Variants in NAALADL2 observed in about 807,000 individuals in gnomAD.
NAALADL2 encodes inactive N-acetylated-alpha-linked acidic dipeptidase-like protein 2.
Under a neutral mutation model 87.2 loss-of-function variants are expected in NAALADL2, and 76 were observed. That is an observed-to-expected ratio of 0.87 (90% CI 0.72 to 1.05). The LOEUF is 1.05. Among genes scored for constraint, NAALADL2 ranks in the 50% least tolerant of loss-of-function variants. NAALADL2 has a pLI of 0.00. For synonymous variants in NAALADL2, 354 were observed against 331.0 expected (o/e 1.07, Z -0.75); for missense variants, 1,089 against 945.8 (o/e 1.15, Z -1.99).
At chr3:175,598,886 T>G (rs1200466182) in intron 10 of NAALADL2, among the ~76,000 whole-genome samples, 2 of 152,132 alleles carry the variant, frequency 1.3e-5, no homozygotes, top group Non-Finnish European at 2.9e-5. Context: ...GGACACTCGT[T>G]TAGTTGAGTT....
chr3:174,792,842 T>C (rs1717626497), intron 3 of NAALADL2, among the ~76,000 whole-genome samples: 1 of 152,216 alleles, frequency 6.6e-6, no homozygotes, highest in South Asian at 2.1e-4. Context: ...AGATGGAATA[T>C]TCATTTTGAG....
chr3:175,665,241 G>T (rs1454414880), intron 11 of NAALADL2, among the ~76,000 whole-genome samples: 1 of 152,172 alleles, frequency 6.6e-6, no homozygotes, highest in Non-Finnish European at 1.5e-5. Context: ...ACAGTTACAA[G>T]GCTGTATTTT....
At chr3:174,563,992 G>C (rs1007508195) in intron 2 of NAALADL2, among the ~76,000 whole-genome samples, 6 of 152,144 alleles carry the variant, frequency 3.9e-5, no homozygotes, top group African/African-American at 1.4e-4. Flanking sequence ...AGGGTGATCT[G>C]TCTAAAGCAC....
intron 1 of NAALADL2, among the ~76,000 whole-genome samples, chr3:174,975,612 T>G (rs1356884994): frequency 6.6e-6 from 1 of 152,156 alleles, no homozygotes; most frequent in Non-Finnish European, 1.5e-5. Context: ...AGTTATGCCT[T>G]TTATTAAATT....
intron 1 of NAALADL2, among the ~76,000 whole-genome samples, chr3:174,975,947 A>G (rs1340508001): frequency 1.3e-5 from 2 of 152,216 alleles, no homozygotes; most frequent in Non-Finnish European, 2.9e-5. Flanking sequence ...CTTCTGAGGG[A>G]TCAGGCTATA....
intron 4 of NAALADL2, among the ~76,000 whole-genome samples, chr3:175,270,899 T>C (rs1433327262): frequency 6.6e-6 from 1 of 152,194 alleles, no homozygotes; most frequent in Non-Finnish European, 1.5e-5. Flanking sequence ...GAATTGAAAA[T>C]GACAGGATTA....
chr3:174,944,168 C>T (rs1202967206), intron 1 of NAALADL2, among the ~76,000 whole-genome samples: 1 of 152,158 alleles, frequency 6.6e-6, no homozygotes, highest in Non-Finnish European at 1.5e-5. Flanking sequence ...GCTCCTCCCT[C>T]TAGGAGCTTC....
chr3:175,771,804 C>A (rs1040311891), intron 13 of NAALADL2, among the ~76,000 whole-genome samples: 6 of 152,116 alleles, frequency 3.9e-5, no homozygotes, highest in Admixed American at 1.3e-4. Context: ...ATACCCAAGA[C>A]TGGGTTATTT....
Position 175,336,714 on chromosome 3 carries a change from A to G in NAALADL2, c.1090+12389A>G, listed in dbSNP as rs1762015806. ...TATAATTGAATTTTTGGTATAGTCTAGAGTCTGGAAAATCAGTGTATCCCA... is the reference window on the plus strand; with the variant it reads ...TATAATTGAATTTTTGGTATAGTCTGGAGTCTGGAAAATCAGTGTATCCCA... On this transcript the variant is annotated intron_variant, in intron 5 of 13. Coordinates refer to ENST00000454872, the MANE Select transcript of NAALADL2 (RefSeq NM_207015.3). Among the ~76,000 whole-genome samples the G allele has an allele frequency of 2.6e-5, 4 of 152,312 alleles. No individual in the cohort carries two copies. In the South Asian group the frequency reaches 8.3e-4, roughly 32 times the overall value.
chr3:174,660,638 ACTTATT>A (rs1342227110), intron 2 of NAALADL2, among the ~76,000 whole-genome samples: 2 of 151,450 alleles, frequency 1.3e-5, no homozygotes, highest in African/African-American at 4.9e-5. Flanking sequence ...TAGTTATTGG[ACTTATT>A]CTTTATGCCT....
chr3:174,593,398 T>C (rs1169475932), intron 2 of NAALADL2, among the ~76,000 whole-genome samples: 1 of 152,142 alleles, frequency 6.6e-6, no homozygotes, highest in Non-Finnish European at 1.5e-5. Flanking sequence ...AAGGCACTGC[T>C]ATTCATATCT....
chr3:174,680,433 A>G (rs965273043), intron 2 of NAALADL2, among the ~76,000 whole-genome samples: 16 of 152,196 alleles, frequency 1.1e-4, no homozygotes, highest in South Asian at 2.1e-4. Context: ...TCTTGTCACA[A>G]TGAAGCTTAC....
At chr3:175,549,511 G>T (rs960164616) in intron 9 of NAALADL2, among the ~76,000 whole-genome samples, 4 of 151,810 alleles carry the variant, frequency 2.6e-5, no homozygotes, top group African/African-American at 9.7e-5. Flanking sequence ...CATCATAGTA[G>T]TGAACTCTTA....
chr3:175,719,221 CAAA>C (rs372495246), intron 11 of NAALADL2, among the ~76,000 whole-genome samples: 1 of 131,140 alleles, frequency 7.6e-6, no homozygotes, highest in Admixed American at 7.7e-5. Context: ...ATGGGGGTTA[CAAA>C]AAAAAAAAAG....
chr3:174,909,008 G>GAA (rs112001916), intron 1 of NAALADL2, among the ~76,000 whole-genome samples: 1 of 139,686 alleles, frequency 7.2e-6, no homozygotes, highest in Admixed American at 7.2e-5. Flanking sequence ...ATCATACTCA[G>GAA]AAAAAAAAAA....
intron 2 of NAALADL2, among the ~76,000 whole-genome samples, chr3:174,654,039 A>G (rs1363976711): frequency 6.7e-6 from 1 of 149,254 alleles, no homozygotes; most frequent in Non-Finnish European, 1.5e-5. Flanking sequence ...GTTTGTCATA[A>G]TATTTAGTAA....
intron 4 of NAALADL2, among the ~76,000 whole-genome samples, chr3:175,274,883 C>T (rs1227712723): frequency 2.6e-5 from 4 of 152,034 alleles, no homozygotes. Flanking sequence ...TCTTTTCCTG[C>T]TCTTGAAGAT....
At position 175,133,017 on chromosome 3, in the gene NAALADL2, C is replaced by T. The variant is rs1728406799; in HGVS notation, c.545+35726C>T. 2.7e-5 allele frequency among the ~76,000 whole-genome samples: 4 copies of T among 148,632 alleles called. No individual in the cohort carries two copies. The South Asian group carries it at 8.6e-4, about 32-fold the overall frequency. ...CTCACCTCCCAGACGGAGTCGCAGCCAGGTAGAGGCACTCCCCACATCCCA... is the reference window on the plus strand; with the variant it reads ...CTCACCTCCCAGACGGAGTCGCAGCTAGGTAGAGGCACTCCCCACATCCCA... On this transcript the variant is annotated intron_variant, in intron 2 of 13. Coordinates refer to ENST00000454872, the MANE Select transcript of NAALADL2 (RefSeq NM_207015.3).
chr3:175,284,947 A>G (rs765932498), intron 4 of NAALADL2, among the ~76,000 whole-genome samples: 3 of 152,126 alleles, frequency 2.0e-5, no homozygotes, highest in African/African-American at 4.8e-5. Flanking sequence ...ACAGTGCATC[A>G]AAAGACAAAG....
Sources: gnomAD v4.1 joint callset for allele counts (sites outside exome capture counted in the v4.1 genomes callset) on GRCh38, gnomAD v4.1.1 for gene constraint, MANE v1.5 for transcripts, NCBI Gene and HGNC (gene_info 2026-07-23, HGNC 2026-07-21) for gene names.